SECISBP2L: variants seen among roughly 807,000 people sequenced by gnomAD.
SECISBP2L encodes SECIS binding protein 2 like.
Under a neutral mutation model 114.7 loss-of-function variants are expected in SECISBP2L, and 43 were observed. The ratio of observed to expected loss-of-function variants is 0.38; its 90% CI spans 0.29 to 0.48. The LOEUF is 0.48. Ranked by LOEUF, SECISBP2L falls within the 20% of genes least tolerant of loss-of-function variation. The pLI, the probability that SECISBP2L is intolerant of heterozygous loss-of-function variation, is 0.98. For synonymous variants in SECISBP2L, 451 were observed against 439.7 expected (o/e 1.03, Z -0.32); for missense variants, 1,136 against 1,301.1 (o/e 0.87, Z 1.95).
intron 4 of SECISBP2L, among the ~76,000 whole-genome samples, chr15:49,031,729 T>C (rs1902893064): frequency 6.6e-6 from 1 of 152,204 alleles, no homozygotes; most frequent in Non-Finnish European, 1.5e-5. Context: ...GGATGTATAA[T>C]ATATAACATT....
At chr15:49,013,906 C>A (rs1566856497) in intron 11 of SECISBP2L, among the ~76,000 whole-genome samples, 2 of 152,052 alleles carry the variant, frequency 1.3e-5, no homozygotes, top group Non-Finnish European at 2.9e-5. Flanking sequence ...TTTTCTTGAT[C>A]CCCTAATAAG....
At chr15:49,000,089 T>C in intron 15 of SECISBP2L, 102 bp from the exon 16 acceptor site, 1 of 1,218,948 alleles carries the variant, frequency 8.2e-7, no homozygotes, top group Non-Finnish European at 1.2e-6. Context: ...AAGAATTCTA[T>C]GAACACTTGT....
chr15:49,028,300 A>G (rs1018922891), intron 5 of SECISBP2L, 132 bp from the exon 6 acceptor site: 4 of 981,744 alleles, frequency 4.1e-6, no homozygotes, highest in South Asian at 1.8e-5. Flanking sequence ...TCATAAATGA[A>G]TATTTTTATT....
intron 14 of SECISBP2L, among the ~76,000 whole-genome samples, chr15:49,004,288 CCCTTT>C (rs1163553374): frequency 6.6e-6 from 1 of 152,004 alleles, no homozygotes; most frequent in East Asian, 1.9e-4. Context: ...TTGTGATCTT[CCCTTT>C]ATCATTTTTT....
At chr15:49,041,195 A>G (rs975411656) in intron 1 of SECISBP2L, among the ~76,000 whole-genome samples, 7 of 152,260 alleles carry the variant, frequency 4.6e-5, no homozygotes, top group African/African-American at 1.7e-4. Context: ...AAGCACAACC[A>G]TCTACATAGC....
At chr15:49,017,926 G>T (rs1902568110) in intron 8 of SECISBP2L, 1 of 242,038 alleles carries the variant, frequency 4.1e-6, no homozygotes, top group Non-Finnish European at 7.9e-6. Flanking sequence ...AATTCAAACT[G>T]GGTTTTATCA....
At chr15:48,994,692 G>A (rs1378355496) in intron 17 of SECISBP2L, among the ~76,000 whole-genome samples, 1 of 152,038 alleles carries the variant, frequency 6.6e-6, no homozygotes, top group Admixed American at 6.6e-5. Context: ...ACTCCTGACA[G>A]GCAATCGCTA....
At chr15:49,026,831 G>T (rs1902752734) in intron 7 of SECISBP2L, among the ~76,000 whole-genome samples, 1 of 152,204 alleles carries the variant, frequency 6.6e-6, no homozygotes, top group South Asian at 2.1e-4. Flanking sequence ...AACCAAAGCA[G>T]GAAGATACAG....
intron 16 of SECISBP2L, among the ~76,000 whole-genome samples, chr15:48,999,527 T>G (rs1006744845): frequency 6.6e-6 from 1 of 152,158 alleles, no homozygotes; most frequent in Non-Finnish European, 1.5e-5. Context: ...TTACGTAATA[T>G]CAGATATCTT....
At chr15:49,033,302 C>T (rs983267382) in intron 3 of SECISBP2L, among the ~76,000 whole-genome samples, 4 of 152,102 alleles carry the variant, frequency 2.6e-5, no homozygotes, top group African/African-American at 9.7e-5. Context: ...ATGTATTATA[C>T]GCACATATAT....
chr15:49,027,764 A>G (rs956605128), intron 6 of SECISBP2L, among the ~76,000 whole-genome samples: 2 of 151,924 alleles, frequency 1.3e-5, no homozygotes, highest in African/African-American at 2.4e-5. Flanking sequence ...GCTCACCACC[A>G]CGTCCAGTTA....
rs925259581 is a variant in SECISBP2L at position 49,046,370 on chromosome 15, C to T, written c.-71G>A. The T allele has an allele frequency of 2.1e-6, 3 of 1,401,934 alleles. No homozygotes were observed. In the Admixed American group the frequency reaches 9.1e-5, roughly 43 times the overall value. The allele number at this position is 1,401,934 out of a possible 1,614,324, so 86.8% of individuals were successfully genotyped here. ...GCCTCGGGCCGCTTTCTCCATGGCC[C>T]CCCGCTCGGGTCCAGACTGGGTTCC... is the stretch of plus-strand genomic sequence containing the variant. On this transcript the variant is annotated 5_prime_UTR_variant, in exon 1 of 18. Transcript: ENST00000559471.
intron 11 of SECISBP2L, among the ~76,000 whole-genome samples, chr15:49,014,799 G>A (rs1048022715): frequency 1.9e-5 from 2 of 105,160 alleles, no homozygotes; most frequent in Non-Finnish European, 4.9e-5. Context: ...TTTAGCAACT[G>A]CTAAATGTTT....
At chr15:49,045,597 TAAAAC>T (rs1387705479) in intron 1 of SECISBP2L, among the ~76,000 whole-genome samples, 14 of 151,994 alleles carry the variant, frequency 9.2e-5, no homozygotes, top group Admixed American at 9.2e-4. Flanking sequence ...CAAATAAAAA[TAAAAC>T]AGAACACTAA....
At chr15:49,031,042 T>C (rs978138237) in intron 4 of SECISBP2L, among the ~76,000 whole-genome samples, 5 of 121,156 alleles carry the variant, frequency 4.1e-5, no homozygotes, top group African/African-American at 1.1e-4. Flanking sequence ...ATTTTCTTTT[T>C]TTTTTTTTTT....
In SECISBP2L at chr15:49,040,833, C is replaced by T. The variant is rs896076146; in HGVS notation, c.25-3064G>A. ...GATTACAAGCGTGAGCCACCGCGCC[C>T]GGCCGATCCCAAACTATTCTTAAAA... is the stretch of plus-strand genomic sequence containing the variant. On this transcript the variant is annotated intron_variant, in intron 1 of 17. Transcript: ENST00000559471. 5.9e-5 allele frequency among the ~76,000 whole-genome samples: 9 copies of T among 151,814 alleles called. No homozygotes were observed. The East Asian group carries it at 7.7e-4, about 13-fold the overall frequency.
chr15:49,039,586 G>A (rs906926868), intron 1 of SECISBP2L, among the ~76,000 whole-genome samples: 4 of 150,536 alleles, frequency 2.7e-5, no homozygotes, highest in Non-Finnish European at 4.4e-5. Context: ...TGGAGGTGGG[G>A]TGCAGTGGTG....
At chr15:49,035,288 T>C (rs1902981145) in intron 3 of SECISBP2L, 46 bp downstream of exon 3, 2 of 1,549,742 alleles carry the variant, frequency 1.3e-6, no homozygotes, top group Non-Finnish European at 1.8e-6. Flanking sequence ...CTTATACTAA[T>C]ATAAGTAATA....
At position 49,012,635 on chromosome 15, in the gene SECISBP2L, G is replaced by T. The variant is rs1484500516; in HGVS notation, c.1731+13C>A. 1.2e-6 allele frequency: 2 copies of T among 1,608,792 alleles called. No homozygotes were observed. The highest frequency in any genetic ancestry group is 2.2e-5 in the South Asian group (2 of 90,044). ...ATCCTATAAAATAAATATCCCACCA[G>T]ATTTTGGTTTACCTTTTTAAGTGCT... On this transcript the variant is annotated intron_variant, in intron 12 of 17. Coordinates refer to ENST00000559471, the MANE Select transcript of SECISBP2L (RefSeq NM_001193489.2).
Sources: allele counts gnomAD v4.1 joint callset (sites outside exome capture counted in the v4.1 genomes callset), GRCh38; gene constraint gnomAD v4.1.1; transcripts MANE v1.5; gene names NCBI Gene and HGNC (gene_info 2026-07-23, HGNC 2026-07-21).